KIF17: variants seen among roughly 807,000 people sequenced by gnomAD.
The protein encoded by KIF17 is kinesin-like protein KIF17.
In KIF17, 80 loss-of-function variants were observed where a neutral mutation model predicts 96.8. That is an observed-to-expected ratio of 0.83 (90% CI 0.69 to 1.00). The LOEUF is 1.00. Among genes scored for constraint, KIF17 ranks in the 50% least tolerant of loss-of-function variants. KIF17 has a pLI of 0.00. For synonymous variants in KIF17, 567 were observed against 587.5 expected, an observed-to-expected ratio of 0.97 and a Z score of 0.51; for missense variants, 1,280 against 1,372.9, an observed-to-expected ratio of 0.93 and a Z score of 1.07.
chr1:20,713,317 A>G (rs1192903952), intron 3 of KIF17, 137 bp downstream of exon 3: 1 of 599,536 alleles, frequency 1.7e-6, no homozygotes, highest in East Asian at 3.0e-5. Flanking sequence ...TTTTAATTAA[A>G]AAAAAAAAAA....
In KIF17 at chr1:20,664,658, C is replaced by T. The variant is rs763275738; in HGVS notation, c.3013G>A (p.Glu1005Lys). Residue 1005 changes from glutamate to lysine, a missense_variant, in exon 15 of 15, where the codon GAG becomes AAG. Glu to Lys is a moderately conservative substitution (Grantham distance 56). Coordinates refer to ENST00000400463, the MANE Select transcript of KIF17 (RefSeq NM_001122819.3). ...TTGGTGAAAGGGATGTCGAGGGACT[C>T]GAGGCGGAAGGGCCGGGGCTGGGGC... ...EMPQPRPFRLESLDIPFTKAK... is the reference protein window; with the variant it reads ...EMPQPRPFRLKSLDIPFTKAK... The T allele has an allele frequency of 2.5e-5, 33 of 1,303,150 alleles. No individual in the cohort carries two copies. The highest frequency in any genetic ancestry group is 3.1e-5 in the Non-Finnish European group (31 of 991,008). 80.7% of individuals were successfully genotyped at this position (1,303,150 alleles called of 1,614,324 possible). A position where few individuals can be genotyped will look rare whatever the true frequency, so the allele number is the denominator to read the frequency against.
chr1:20,664,291 G>A lies in KIF17; in HGVS notation c.*293C>T. 1 of 1,320,728 alleles carries A rather than the reference G, an allele frequency of 7.6e-7. No homozygotes were observed. The highest frequency in any genetic ancestry group is 9.8e-7 in the Non-Finnish European group (1 of 1,022,830). The allele number at this position is 1,320,728 out of a possible 1,614,324, so 81.8% of individuals were successfully genotyped here. A position where few individuals can be genotyped will look rare whatever the true frequency, so the allele number is the denominator to read the frequency against. On this transcript the variant is annotated 3_prime_UTR_variant, in exon 15 of 15. Coordinates refer to ENST00000400463, the MANE Select transcript of KIF17 (RefSeq NM_001122819.3). The stretch of plus-strand genomic sequence containing the variant: ...GGCTTTGAGGCAAAGACCAACACTG[G>A]TGGGCATGGGTGTGGGCTCTGTGGC...
chr1:20,712,932 CTAT>C (rs1217433834), intron 3 of KIF17, among the ~76,000 whole-genome samples: 5 of 70,682 alleles, frequency 7.1e-5, no homozygotes, highest in Non-Finnish European at 1.4e-4. Context: ...TCTATATTAT[CTAT>C]AATATTATCT....
rs1557599631 is a variant in KIF17, at chr1:20,700,854, A to AGC, written c.1124-2367_1124-2366insGC. On this transcript the variant is annotated intron_variant, in intron 5 of 14. Coordinates refer to ENST00000400463, the MANE Select transcript of KIF17 (RefSeq NM_001122819.3). This position sits in a 1 kb window ranked among gnomAD's most constrained non-coding sequence, Gnocchi z 4.6. ...GATTCCCCCTGCCCTGAACAGGCCC[A>AGC]GGGCCAGGCAGAGACAACCAGGAAC... Among the ~76,000 whole-genome samples, 2 of 152,146 alleles carry AGC rather than the reference A, an allele frequency of 1.3e-5. No individual in the cohort carries two copies. Among genetic ancestry groups the AGC allele is most frequent in the Non-Finnish European group, 2.9e-5 (2 of 68,016 alleles).
Position 20,686,108 on chromosome 1 carries a change from G to A in KIF17, c.1957C>T (p.Leu653=). ...VPVQVPAPTD[L]LEPSDARPEA... ...GGCCTGGCATCACTGGGCTCCAGCAGGTCTGTCGGCGCAGGGACCTGGGAG... is the reference window on the plus strand; with the variant it reads ...GGCCTGGCATCACTGGGCTCCAGCAAGTCTGTCGGCGCAGGGACCTGGGAG... Residue 653 remains leucine (L), a synonymous_variant, in exon 9 of 15, where the codon CTG becomes TTG. Transcript: ENST00000400463. 1.3e-6 allele frequency: 2 copies of A among 1,568,036 alleles called. No homozygotes were observed. The highest frequency in any genetic ancestry group is 1.2e-5 in the South Asian group (1 of 85,094).
intron 2 of KIF17, among the ~76,000 whole-genome samples, chr1:20,715,193 A>G (rs2054555441): frequency 6.6e-6 from 1 of 152,222 alleles, no homozygotes; most frequent in Non-Finnish European, 1.5e-5. Flanking sequence ...CAATTGCTCA[A>G]TAAAGAGGGA....
intron 6 of KIF17, among the ~76,000 whole-genome samples, chr1:20,697,446 A>AC (rs1482333188): frequency 6.6e-6 from 1 of 151,578 alleles, no homozygotes; most frequent in Non-Finnish European, 1.5e-5. Flanking sequence ...TCTCTACAAA[A>AC]AAATTTAAAA....
rs370565385 is a variant in KIF17, at chr1:20,682,753, G to A, written c.2363C>T (p.Ser788Leu). 4.3e-5 allele frequency: 69 copies of A among 1,613,126 alleles called. No homozygotes were observed. The highest frequency in any genetic ancestry group is 1.6e-4 in the Middle Eastern group (1 of 6,084). The change falls in exon 11 of 15, where the codon TCG (serine) becomes TTG (leucine). Residue 788 changes from serine (S) to leucine (L), a missense_variant. Coordinates refer to ENST00000400463, the MANE Select transcript of KIF17 (RefSeq NM_001122819.3). The stretch of plus-strand genomic sequence containing the variant: ...CACCCAGTCCCCGCTGTCCTCATCC[G>A]AGTTCTGCAGGGCAGCCACCAGCTG... ...RKQLVAALQN[S>L]DEDSGDWVLL... is the part of the protein sequence containing the mutation.
At position 20,687,876 on chromosome 1, in the gene KIF17, C is replaced by G; in HGVS notation, c.1450G>C (p.Ala484Pro). 1.2e-6 allele frequency: 2 copies of G among 1,613,942 alleles called. No individual in the cohort carries two copies. The change falls in exon 8 of 15, where the codon GCT becomes CCT. Residue 484 changes from alanine (A) to proline (P), a missense_variant. By Grantham distance (27) the Ala-to-Pro change is conservative. Coordinates refer to ENST00000400463, the MANE Select transcript of KIF17 (RefSeq NM_001122819.3). This position sits in a 1 kb window ranked among gnomAD's most constrained non-coding sequence, Gnocchi z 4.4. ...TACTGAAAAGCAGGCGGGTACTCAG[C>G]GCTGCTGGCAAACTCAGCCCTGGAC... ...VMSRAEFASSAEYPPAFQYET... is the reference protein window; with the variant it reads ...VMSRAEFASSPEYPPAFQYET...
At position 20,684,965 on chromosome 1, in the gene KIF17, C is replaced by A; in HGVS notation, c.2075G>T (p.Gly692Val). Reference sequence around the variant, plus strand: ...CGGGGCCTGAGCCTCCAACCACACGCCAGGCTCTGCTGTCCGCACCACCTC... The same window carrying A: ...CGGGGCCTGAGCCTCCAACCACACGACAGGCTCTGCTGTCCGCACCACCTC... ...ALEVVRTAEPGVWLEAQAPVA... is the reference protein window; with the variant it reads ...ALEVVRTAEPVVWLEAQAPVA... Residue 692 changes from glycine (G) to valine (V), a missense_variant, in exon 10 of 15, where the codon GGC becomes GTC. Physicochemically the swap from Gly to Val is moderately radical, Grantham distance 109 (BLOSUM62 -3). Transcript: ENST00000400463. 1 of 1,605,602 alleles carries A rather than the reference C, an allele frequency of 6.2e-7. No individual in the cohort carries two copies. Among genetic ancestry groups the A allele is most frequent in the Non-Finnish European group, 8.5e-7 (1 of 1,176,300 alleles).
At position 20,699,025 on chromosome 1, in the gene KIF17, C is replaced by T. The variant is rs904137151; in HGVS notation, c.1124-537G>A. On this transcript the variant is annotated intron_variant, in intron 5 of 14. Transcript: ENST00000400463. This position sits in a 1 kb window ranked among gnomAD's most constrained non-coding sequence, Gnocchi z 4.3. ...AGTGCAGTGGTGGGATTATAACTCA[C>T]TGAGGCCTCAAATTCCTGGGCTCAA... Among the ~76,000 whole-genome samples, 2 of 152,144 alleles carry T rather than the reference C, an allele frequency of 1.3e-5. No homozygotes were observed. The highest frequency in any genetic ancestry group is 4.8e-5 in the African/African-American group (2 of 41,430).
chr1:20,713,574 A>C lies in KIF17; in HGVS notation c.379-19T>G, dbSNP rs374173748. On this transcript the variant is annotated intron_variant, in intron 2 of 14. Transcript: ENST00000400463. ...CTGCACACTGCAGGGAGTACACAGA[A>C]AGAACCTAGACCTCAGAGCTCGAAG... is the stretch of plus-strand genomic sequence containing the variant. 1.6e-5 allele frequency: 25 copies of C among 1,590,048 alleles called. No individual in the cohort carries two copies. Among genetic ancestry groups the C allele is most frequent in the Non-Finnish European group, 2.1e-5 (24 of 1,161,854 alleles).
rs946219421 is a variant in KIF17, at chr1:20,685,152, G to A, written c.2020-132C>T. 1 of 745,026 alleles carries A rather than the reference G, an allele frequency of 1.3e-6. No individual in the cohort carries two copies. The highest frequency in any genetic ancestry group is 2.4e-6 in the Non-Finnish European group (1 of 412,302). The allele number at this position is 745,026 out of a possible 1,614,324, so 46.2% of individuals were successfully genotyped here. A position where few individuals can be genotyped will look rare whatever the true frequency, so the allele number is the denominator to read the frequency against. Reference sequence around the variant, plus strand: ...CCCGACAGATCACCTCCAGCTCAGGGACACCAGTGACACAAAAACACGCCC... The same window carrying A: ...CCCGACAGATCACCTCCAGCTCAGGAACACCAGTGACACAAAAACACGCCC... On this transcript the variant is annotated intron_variant, in intron 9 of 14. Coordinates refer to ENST00000400463, the MANE Select transcript of KIF17 (RefSeq NM_001122819.3). The surrounding 1 kb of genome is among the most constrained non-coding windows in gnomAD (Gnocchi z 4.1).
At chr1:20,681,317 G>A (rs2053826847) in intron 11 of KIF17, among the ~76,000 whole-genome samples, 1 of 151,204 alleles carries the variant, frequency 6.6e-6, no homozygotes, top group South Asian at 2.1e-4. Context: ...AGCCTCCTGA[G>A]TAGCTGGGAT....
intron 7 of KIF17, among the ~76,000 whole-genome samples, chr1:20,688,638 C>T (rs2053983343): frequency 6.6e-6 from 1 of 152,232 alleles, no homozygotes; most frequent in African/African-American, 2.4e-5. Flanking sequence ...GAGAGCTCAG[C>T]AGATTTCATG....
intron 6 of KIF17, among the ~76,000 whole-genome samples, chr1:20,695,590 C>A (rs1034212921): frequency 6.6e-6 from 1 of 152,208 alleles, no homozygotes; most frequent in African/African-American, 2.4e-5. Context: ...GTCTTCCCAA[C>A]CCTCCTCTCC....
chr1:20,690,352 G>GGCA lies in KIF17; in HGVS notation c.1234-18_1234-17insTGC. On this transcript the variant is annotated splice_polypyrimidine_tract_variant and intron_variant, in intron 6 of 14. Coordinates refer to ENST00000400463, the MANE Select transcript of KIF17 (RefSeq NM_001122819.3). The stretch of plus-strand genomic sequence containing the variant: ...TTCATACTCCTGGGGGGGTGGGAGG[G>GGCA]ACCAGAGGGCAGGCAGCATTTTATC... The GGCA allele has an allele frequency of 1.0e-4, 45 of 451,036 alleles. No homozygotes were observed. The highest frequency in any genetic ancestry group is 1.7e-4 in the Non-Finnish European group (41 of 235,026). The allele number at this position is 451,036 out of a possible 1,614,324, so 27.9% of individuals were successfully genotyped here.
rs1378014742 is a variant in KIF17 at position 20,670,530 on chromosome 1, G to A, written c.2723-42C>T. Reference sequence around the variant, plus strand: ...AAAGCTGAAGTCACTGCTGCCTGGTGCAAGGCCTAGAGGAGGGCACAGGTG... The same window carrying A: ...AAAGCTGAAGTCACTGCTGCCTGGTACAAGGCCTAGAGGAGGGCACAGGTG... On this transcript the variant is annotated intron_variant, in intron 12 of 14. Coordinates refer to ENST00000400463, the MANE Select transcript of KIF17 (RefSeq NM_001122819.3). 4 of 1,596,016 alleles carry A rather than the reference G, an allele frequency of 2.5e-6. No homozygotes were observed. In the African/African-American group the frequency reaches 5.4e-5, roughly 21 times the overall value.
In KIF17 at chr1:20,684,789, C is replaced by G. The variant is rs2053903797; in HGVS notation, c.2231+20G>C. On this transcript the variant is annotated intron_variant, in intron 10 of 14. Coordinates refer to ENST00000400463, the MANE Select transcript of KIF17 (RefSeq NM_001122819.3). The stretch of plus-strand genomic sequence containing the variant: ...CCACCTCACCGTGGGGTCCCGCCAG[C>G]CCCATGCTCTGCTGCTTACCGGGCC... 1.3e-6 allele frequency: 2 copies of G among 1,557,448 alleles called. No homozygotes were observed. Among genetic ancestry groups the G allele is most frequent in the African/African-American group, 2.7e-5 (2 of 73,434 alleles).
Sources: allele counts gnomAD v4.1 joint callset (sites outside exome capture counted in the v4.1 genomes callset), GRCh38; gene constraint gnomAD v4.1.1; non-coding constraint Gnocchi (gnomAD v3.1); transcripts MANE v1.5; gene names NCBI Gene and HGNC (gene_info 2026-07-23, HGNC 2026-07-21).